The following TRAK1 variants were observed in gnomAD, a reference collection of about 807,000 sequenced individuals.
The protein encoded by TRAK1 is trafficking kinesin-binding protein 1.
Under a neutral mutation model 92.1 loss-of-function variants are expected in TRAK1, and 33 were observed. The observed-to-expected ratio is 0.36, with a 90% confidence interval of 0.27 to 0.48. The LOEUF (loss-of-function observed/expected upper bound fraction) is 0.48. Ranked by LOEUF, TRAK1 falls within the 20% of genes least tolerant of loss-of-function variation. TRAK1 has a pLI of 0.99. For missense variants in TRAK1, 1,123 were observed against 1,257.9 expected, an observed-to-expected ratio of 0.89 and a Z score of 1.62; for synonymous variants, 521 against 517.3, an observed-to-expected ratio of 1.01 and a Z score of -0.10.
upstream of TRAK1, among the ~76,000 whole-genome samples, chr3:42,089,164 G>A (rs145423184): frequency 1.3e-3 from 200 of 152,272 alleles, 1 homozygote; most frequent in African/African-American, 4.7e-3. Context: ...TAGTTGCTCA[G>A]GCCAAGAACC....
chr3:42,203,622 A>G, intron 13 of TRAK1: 1 of 984,562 alleles, frequency 1.0e-6, no homozygotes, highest in Non-Finnish European at 1.2e-6. Context: ...GGAAAGCCAT[A>G]TACGTTTGAG....
chr3:42,071,775 C>G (rs1001277032), intron 1 of TRAK1, among the ~76,000 whole-genome samples: 1 of 151,632 alleles, frequency 6.6e-6, no homozygotes, highest in Admixed American at 6.6e-5. Context: ...CCCTGCCATT[C>G]AGAGTGATGA....
rs765166980 is a variant in TRAK1 at position 42,223,530 on chromosome 3, T to A, written c.2655T>A (p.Val885=). The stretch of plus-strand genomic sequence containing the variant: ...CCCCGGGGCCAGCACCAGCCCTTGT[T>A]CCCAGAGGCCTGGTACCTGAGGGCC... ...CGPPGPAPAL[V]PRGLVPEGLP... The change falls in exon 16 of 16, where the codon GTT becomes GTA. Residue 885 remains valine (V), a synonymous_variant. Coordinates refer to ENST00000327628, the MANE Select transcript of TRAK1 (RefSeq NM_001042646.3). This position sits in a 1 kb window ranked among gnomAD's most constrained non-coding sequence, Gnocchi z 6.1. 2 of 1,613,750 alleles carry A rather than the reference T, an allele frequency of 1.2e-6. No homozygotes were observed. The highest frequency in any genetic ancestry group is 1.7e-5 in the Admixed American group (1 of 60,018).
intron 3 of TRAK1, 102 bp downstream of exon 3, chr3:42,176,992 G>T: frequency 9.0e-7 from 1 of 1,105,020 alleles, no homozygotes; most frequent in Non-Finnish European, 1.4e-6. Flanking sequence ...GAGGAATCTT[G>T]GAAATTGGTC....
chr3:42,206,217 A>G (rs1160509059), intron 13 of TRAK1, among the ~76,000 whole-genome samples: 4 of 152,244 alleles, frequency 2.6e-5, no homozygotes, highest in African/African-American at 7.2e-5. Flanking sequence ...AGGCAGCAGC[A>G]GGGAGGTGAA....
intron 15 of TRAK1, among the ~76,000 whole-genome samples, 191 bp downstream of exon 15, chr3:42,219,787 T>G (rs1343933733): frequency 2.3e-4 from 3 of 12,910 alleles, no homozygotes; most frequent in Non-Finnish European, 2.6e-4. Flanking sequence ...TTGTTATGTG[T>G]TTTTTTTTTT....
In TRAK1 at chr3:42,187,990, G is replaced by A. The variant is rs75431929; in HGVS notation, c.481-55G>A. On this transcript the variant is annotated intron_variant, in intron 4 of 15. Transcript: ENST00000327628. The stretch of plus-strand genomic sequence containing the variant: ...TGTTAAGTGTTGGAATGTGAGTCGG[G>A]GGGGACAGTATCACCTTTTGGGAAG... 8.3e-3 allele frequency: 12,030 copies of A among 1,457,716 alleles called. 778 individuals carry two copies. In the African/African-American group the frequency reaches 0.14, roughly 17 times the overall value. The allele number at this position is 1,457,716 out of a possible 1,614,324, so 90.3% of individuals were successfully genotyped here. A position where few individuals can be genotyped will look rare whatever the true frequency, so the allele number is the denominator to read the frequency against.
At chr3:42,034,537 C>T (rs72867925) in intron 1 of TRAK1, among the ~76,000 whole-genome samples, 17,621 of 152,130 alleles carry the variant, frequency 0.12, 3,168 homozygotes, top group African/African-American at 0.38. Flanking sequence ...GTGGTCTGCC[C>T]GCCTCAGTCT....
At chr3:42,132,667 G>A (rs1250734145) in intron 2 of TRAK1, among the ~76,000 whole-genome samples, 3 of 151,994 alleles carry the variant, frequency 2.0e-5, no homozygotes, top group African/African-American at 2.4e-5. Flanking sequence ...AGGCCCCACC[G>A]TCAGGCATAG....
intron 1 of TRAK1, among the ~76,000 whole-genome samples, chr3:42,069,193 G>A (rs934829886): frequency 3.9e-5 from 6 of 151,968 alleles, no homozygotes; most frequent in African/African-American, 9.7e-5. Flanking sequence ...TTAGCTGGGC[G>A]TGGTGGTGCA....
At chr3:42,183,690 T>A (rs751760575) in intron 3 of TRAK1, among the ~76,000 whole-genome samples, 4 of 152,132 alleles carry the variant, frequency 2.6e-5, no homozygotes, top group Non-Finnish European at 4.4e-5. Flanking sequence ...CTCCCCAGCA[T>A]TTTTCCTACC....
chr3:42,163,084 G>C (rs1184136986), intron 2 of TRAK1, among the ~76,000 whole-genome samples: 1 of 152,120 alleles, frequency 6.6e-6, no homozygotes, highest in African/African-American at 2.4e-5. Flanking sequence ...GTCAAATACT[G>C]TTATTATTCC....
In TRAK1 at chr3:42,202,644, T is replaced by A. The variant is rs372573676; in HGVS notation, c.1636T>A (p.Ser546Thr). 36 of 1,612,000 alleles carry A rather than the reference T, an allele frequency of 2.2e-5. No homozygotes were observed. Among genetic ancestry groups the A allele is most frequent in the Non-Finnish European group, 2.9e-5 (34 of 1,178,460 alleles). Residue 546 changes from serine to threonine, a missense_variant, in exon 13 of 16, where the codon TCC becomes ACC. Ser to Thr is a moderately conservative substitution (Grantham distance 58). Around this residue, in one of 3 missense-constraint regions of TRAK1, gnomAD observed 686 missense variants for 747.6 expected, o/e 0.92. Transcript: ENST00000327628. The surrounding 1 kb of genome is among the most constrained non-coding windows in gnomAD (Gnocchi z 6.1). Reference sequence around the variant, plus strand: ...CCTCACACCCACTGAGAGCATCATGTCCCTGGGCACGCACTCCCGCTTCTC... The same window carrying A: ...CCTCACACCCACTGAGAGCATCATGACCCTGGGCACGCACTCCCGCTTCTC... ...GSLTPTESIM[S>T]LGTHSRFSEF...
chr3:42,214,705 T>A (rs1709462453), intron 14 of TRAK1, among the ~76,000 whole-genome samples: 1 of 152,168 alleles, frequency 6.6e-6, no homozygotes, highest in African/African-American at 2.4e-5. Context: ...CAGAAAAAGA[T>A]CTTGTGATGT....
chr3:42,117,165 G>T (rs773442109), intron 1 of TRAK1, among the ~76,000 whole-genome samples: 2 of 152,140 alleles, frequency 1.3e-5, no homozygotes, highest in Non-Finnish European at 1.5e-5. Flanking sequence ...ACCGCTCAGA[G>T]AAATTTAGGG....
intron 1 of TRAK1, among the ~76,000 whole-genome samples, chr3:42,049,007 C>G (rs569080093): frequency 4.6e-5 from 7 of 152,186 alleles, no homozygotes; most frequent in Admixed American, 4.6e-4. Flanking sequence ...TCTGCATCAG[C>G]CTTTTGAATA....
chr3:42,191,612 G>A lies in TRAK1; in HGVS notation c.745G>A (p.Val249Ile). 1 of 1,603,870 alleles carries A rather than the reference G, an allele frequency of 6.2e-7. No homozygotes were observed. The highest frequency in any genetic ancestry group is 1.1e-5 in the South Asian group (1 of 88,454). Reference protein sequence around the residue: ...ITYEEKEQQLVNDCVKELRDA... With the variant: ...ITYEEKEQQLINDCVKELRDA... The stretch of plus-strand genomic sequence containing the variant: ...CTATGAGGAGAAGGAGCAGCAGCTG[G>A]TCAATGACTGCGTGAAGGAGCTGAG... Residue 249 changes from valine to isoleucine, a missense_variant, in exon 7 of 16, where the codon GTC becomes ATC. This residue lies in a region of TRAK1 where 686 missense variants were observed against 747.6 expected (regional missense o/e 0.92). Coordinates refer to ENST00000327628, the MANE Select transcript of TRAK1 (RefSeq NM_001042646.3).
intron 2 of TRAK1, among the ~76,000 whole-genome samples, chr3:42,134,279 TTTACC>T (rs1189903014): frequency 5.5e-5 from 8 of 146,302 alleles, no homozygotes; most frequent in Non-Finnish European, 9.0e-5. Flanking sequence ...TTCCTTTCCT[TTTACC>T]TTACCTTACC....
intron 1 of TRAK1, among the ~76,000 whole-genome samples, chr3:42,105,040 C>T (rs1707338182): frequency 1.3e-5 from 2 of 151,920 alleles, no homozygotes; most frequent in South Asian, 4.1e-4. Flanking sequence ...CAACCTCTGC[C>T]TCCTGGCTTC....
Sources: allele counts gnomAD v4.1 joint callset (sites outside exome capture counted in the v4.1 genomes callset), GRCh38; gene constraint gnomAD v4.1.1; regional missense constraint gnomAD v4.1.1; non-coding constraint Gnocchi (gnomAD v3.1); transcripts MANE v1.5; gene names NCBI Gene and HGNC (gene_info 2026-07-23, HGNC 2026-07-21).